ABLIM1: variants seen among roughly 807,000 people sequenced by gnomAD.
The protein encoded by ABLIM1 is actin binding LIM protein 1, also known as actin-binding LIM protein 1.
A neutral mutation model predicts 107.0 loss-of-function variants in ABLIM1; 40 were observed. That is an observed-to-expected ratio of 0.37 (90% CI 0.29 to 0.49). The LOEUF (loss-of-function observed/expected upper bound fraction) is 0.49. Among genes scored for constraint, ABLIM1 ranks in the 20% least tolerant of loss-of-function variants. The probability of loss-of-function intolerance (pLI) is 0.97; values close to 1 mark genes in which losing one functional copy is unlikely to be tolerated. For synonymous variants in ABLIM1, 357 were observed against 357.3 expected (o/e 1.00, Z 0.01); for missense variants, 857 against 1,008.5 (o/e 0.85, Z 2.04).
intron 1 of ABLIM1, among the ~76,000 whole-genome samples, chr10:114,716,753 G>A (rs946478374): frequency 6.6e-6 from 1 of 151,356 alleles, no homozygotes; most frequent in East Asian, 1.9e-4. Flanking sequence ...TTTCGTGCAG[G>A]TCTTCAATAT....
At chr10:114,483,854 A>C (rs1423693207) in intron 8 of ABLIM1, among the ~76,000 whole-genome samples, 1 of 152,178 alleles carries the variant, frequency 6.6e-6, no homozygotes, top group Non-Finnish European at 1.5e-5. Flanking sequence ...AGATTGTAGA[A>C]AGTCGCTTCT....
At chr10:114,524,903 G>A (rs1481769812) in intron 6 of ABLIM1, among the ~76,000 whole-genome samples, 1 of 152,206 alleles carries the variant, frequency 6.6e-6, no homozygotes, top group Non-Finnish European at 1.5e-5. Flanking sequence ...AAATGGTCAG[G>A]CAAAAACACC....
intron 1 of ABLIM1, among the ~76,000 whole-genome samples, chr10:114,740,441 C>T (rs1302861352): frequency 2.0e-5 from 3 of 151,694 alleles, no homozygotes; most frequent in Non-Finnish European, 2.9e-5. Context: ...TAGGGGACTT[C>T]CACCACTTCC....
intron 1 of ABLIM1, among the ~76,000 whole-genome samples, chr10:114,741,370 C>T (rs1056318985): frequency 6.6e-6 from 1 of 151,540 alleles, no homozygotes; most frequent in African/African-American, 2.4e-5. Context: ...GGACTATGGA[C>T]GCCTGCCACC....
At chr10:114,567,558 A>G (rs2070938230) in intron 4 of ABLIM1, among the ~76,000 whole-genome samples, 1 of 152,258 alleles carries the variant, frequency 6.6e-6, no homozygotes, top group South Asian at 2.1e-4. Context: ...AGAGCACTCC[A>G]GTGGGAGCTC....
chr10:114,597,842 G>A (rs565422780), intron 2 of ABLIM1, among the ~76,000 whole-genome samples: 3 of 152,168 alleles, frequency 2.0e-5, no homozygotes, highest in African/African-American at 4.8e-5. Context: ...GCACTCACAG[G>A]AGGAGACGAA....
intron 2 of ABLIM1, among the ~76,000 whole-genome samples, chr10:114,581,868 A>G (rs2073422515): frequency 1.3e-5 from 2 of 152,108 alleles, no homozygotes; most frequent in Admixed American, 6.6e-5. Context: ...CCTGTTCCAC[A>G]TACTTCAAAA....
At chr10:114,547,573 C>T in intron 5 of ABLIM1, 77 bp downstream of exon 5, 1 of 1,583,876 alleles carries the variant, frequency 6.3e-7, no homozygotes, top group Non-Finnish European at 8.6e-7. Context: ...GGGTGGGGCC[C>T]CTGAGACCAG....
chr10:114,684,305 T>C (rs2080871547), exon 1 of ABLIM1: 1 of 1,614,010 alleles, frequency 6.2e-7, no homozygotes, highest in Non-Finnish European at 8.5e-7. Context: ...TAGTCTCCCA[T>C]GGTGTGATGA....
chr10:114,632,788 A>G (rs2078271146), intron 1 of ABLIM1: 11 of 985,248 alleles, frequency 1.1e-5, no homozygotes, highest in Non-Finnish European at 1.2e-5. Context: ...TTGGATGTGC[A>G]TATACCAGGG....
At chr10:114,526,514 G>T in intron 6 of ABLIM1, 2 of 418,290 alleles carry the variant, frequency 4.8e-6, no homozygotes, top group African/African-American at 2.2e-5. Flanking sequence ...GTATGTCAGG[G>T]CAATAAAAGT....
chr10:114,777,259 C>T, the ABLIM1 span, among the ~76,000 whole-genome samples: 2 of 151,290 alleles, frequency 1.3e-5, no homozygotes, highest in African/African-American at 4.9e-5. Context: ...CTTTTCATTT[C>T]TAAAATGTGT....
intron 6 of ABLIM1, among the ~76,000 whole-genome samples, chr10:114,515,357 C>T (rs1309057190): frequency 6.6e-6 from 1 of 152,136 alleles, no homozygotes; most frequent in Non-Finnish European, 1.5e-5. Context: ...GGTGACATTC[C>T]GATGGAATCT....
intron 1 of ABLIM1, among the ~76,000 whole-genome samples, chr10:114,682,171 GCTGA>G (rs1248767421): frequency 2.0e-5 from 3 of 152,252 alleles, no homozygotes; most frequent in African/African-American, 4.8e-5. Flanking sequence ...AAAATTAACG[GCTGA>G]CTATCTCAAA....
rs139107400 is a variant in ABLIM1, at chr10:114,556,978, C to A, written c.674-9202G>T. Among the ~76,000 whole-genome samples, 1,359 of 152,264 alleles carry A rather than the reference C, an allele frequency of 8.9e-3. 21 individuals are homozygous for A. Among genetic ancestry groups the A allele is most frequent in the Non-Finnish European group, 9.8e-3 (668 of 68,024 alleles). ...TTTCAAGGATTATTTTTAAAAACTA[C>A]TTTTTAGCTTCTGAAATTCTATGCT... On this transcript the variant is annotated intron_variant, in intron 4 of 22. Transcript: ENST00000533213.
At chr10:114,793,450 T>G in the ABLIM1 span, among the ~76,000 whole-genome samples, 12 of 152,332 alleles carry the variant, frequency 7.9e-5, no homozygotes, top group East Asian at 2.3e-3. Context: ...CCATGCTTCC[T>G]GTACAGCCTG....
At chr10:114,656,495 A>G (rs1331573785) in intron 1 of ABLIM1, among the ~76,000 whole-genome samples, 3 of 152,064 alleles carry the variant, frequency 2.0e-5, no homozygotes, top group Non-Finnish European at 4.4e-5. Flanking sequence ...TCCACATAAA[A>G]ACCTGTATAT....
intron 2 of ABLIM1, among the ~76,000 whole-genome samples, chr10:114,597,912 A>G (rs1481482288): frequency 6.6e-6 from 1 of 152,162 alleles, no homozygotes; most frequent in Non-Finnish European, 1.5e-5. Flanking sequence ...ACCTCGAGGA[A>G]TCTTTAGAAC....
chr10:114,436,549 T>C (rs908313584), intron 22 of ABLIM1, among the ~76,000 whole-genome samples, 176 bp from the exon 23 acceptor site: 2 of 152,094 alleles, frequency 1.3e-5, no homozygotes, highest in Non-Finnish European at 2.9e-5. Flanking sequence ...TTGGGCCAGG[T>C]GAGGAGCCCT....
Sources: gnomAD v4.1 joint callset for allele counts (sites outside exome capture counted in the v4.1 genomes callset) on GRCh38, gnomAD v4.1.1 for gene constraint, MANE v1.5 for transcripts, NCBI Gene and HGNC (gene_info 2026-07-23, HGNC 2026-07-21) for gene names.